The following OXR1 variants were observed in gnomAD, a reference collection of about 807,000 sequenced individuals.
The protein encoded by OXR1 is oxidation resistance protein 1.
Under a neutral mutation model 104.6 loss-of-function variants are expected in OXR1, and 41 were observed. The ratio of observed to expected loss-of-function variants is 0.39; its 90% confidence interval spans 0.31 to 0.51. OXR1 has a LOEUF of 0.51. Ranked by LOEUF, OXR1 falls within the 20% of genes least tolerant of loss-of-function variation. The pLI, the probability that OXR1 is intolerant of heterozygous loss-of-function variation, is 0.77. For missense variants in OXR1, 955 were observed against 1,031.9 expected, an observed-to-expected ratio of 0.93 and a Z score of 1.02; for synonymous variants, 348 against 348.4, an observed-to-expected ratio of 1.00 and a Z score of 0.01.
At chr8:106,422,555 A>G (rs1381453060) in intron 2 of OXR1, among the ~76,000 whole-genome samples, 1 of 152,156 alleles carries the variant, frequency 6.6e-6, no homozygotes, top group African/African-American at 2.4e-5. Context: ...TAGTAATAAT[A>G]TCTTCACTTT....
intron 3 of OXR1, among the ~76,000 whole-genome samples, chr8:106,615,015 T>C (rs754493333): frequency 2.6e-5 from 4 of 152,202 alleles, no homozygotes; most frequent in Non-Finnish European, 4.4e-5. Flanking sequence ...TATTGTTACA[T>C]GAAGTCTTGC....
intron 7 of OXR1, chr8:106,697,525 G>T (rs1390292710): frequency 3.0e-5 from 48 of 1,610,784 alleles, no homozygotes; most frequent in Non-Finnish European, 4.0e-5. Flanking sequence ...CTGGTTATCC[G>T]AGAAGTTCCG....
chr8:106,631,102 G>GCAGAAAAGGGAAC (rs1822646792), intron 3 of OXR1, among the ~76,000 whole-genome samples: 1 of 152,180 alleles, frequency 6.6e-6, no homozygotes, highest in Non-Finnish European at 1.5e-5. Flanking sequence ...GAGAGGAGAG[G>GCAGAAAAGGGAAC]CAGAAAAGGG....
At chr8:106,733,998 T>TA (rs1230127889) in intron 11 of OXR1, among the ~76,000 whole-genome samples, 9 of 79,410 alleles carry the variant, frequency 1.1e-4, no homozygotes, top group Non-Finnish European at 1.4e-4. Flanking sequence ...GATTTTTTTT[T>TA]TTTTTTTTTT....
intron 8 of OXR1, among the ~76,000 whole-genome samples, 170 bp downstream of exon 8, chr8:106,703,260 G>T (rs532925014): frequency 7.9e-5 from 12 of 152,140 alleles, no homozygotes; most frequent in Admixed American, 2.6e-4. Flanking sequence ...TTGCACCTGG[G>T]ATAGTTATGA....
At chr8:106,446,345 T>C (rs1187907755) in intron 2 of OXR1, among the ~76,000 whole-genome samples, 1 of 152,132 alleles carries the variant, frequency 6.6e-6, no homozygotes, top group East Asian at 1.9e-4. Flanking sequence ...TGAGGCCGGG[T>C]GCCGTGGCTC....
chr8:106,293,072 G>A (rs530139521), intron 1 of OXR1, among the ~76,000 whole-genome samples: 9 of 152,214 alleles, frequency 5.9e-5, no homozygotes, highest in East Asian at 1.9e-4. Context: ...CAAAGGTAAT[G>A]TGCAAAAAAT....
intron 3 of OXR1, among the ~76,000 whole-genome samples, chr8:106,580,391 G>C (rs1489846959): frequency 6.6e-6 from 1 of 152,152 alleles, no homozygotes; most frequent in Non-Finnish European, 1.5e-5. Context: ...CCATGTTGTA[G>C]TACATGACAG....
chr8:106,452,076 T>C (rs1165959751), intron 2 of OXR1, among the ~76,000 whole-genome samples: 6 of 152,188 alleles, frequency 3.9e-5, no homozygotes, highest in Non-Finnish European at 7.3e-5. Context: ...ACATGGAACA[T>C]AGTCTAGCTC....
intron 2 of OXR1, among the ~76,000 whole-genome samples, chr8:106,507,885 A>G (rs943444218): frequency 1.3e-5 from 2 of 152,158 alleles, no homozygotes; most frequent in African/African-American, 4.8e-5. Flanking sequence ...CTTTTCTTTC[A>G]TTCTCCCTGA....
intron 1 of OXR1, among the ~76,000 whole-genome samples, chr8:106,334,233 GT>G (rs1386712595): frequency 1.3e-5 from 2 of 151,868 alleles, no homozygotes; most frequent in South Asian, 2.1e-4. Flanking sequence ...TTTAAATGAA[GT>G]TTTTTTTAAA....
chr8:106,519,715 C>T (rs1484995817), intron 3 of OXR1, among the ~76,000 whole-genome samples: 1 of 152,170 alleles, frequency 6.6e-6, no homozygotes, highest in African/African-American at 2.4e-5. Flanking sequence ...CATCCAGGCC[C>T]TTCATAGGGA....
chr8:106,288,246 GA>G (rs1348369206), intron 1 of OXR1, among the ~76,000 whole-genome samples: 2 of 152,144 alleles, frequency 1.3e-5, no homozygotes, highest in African/African-American at 4.8e-5. Flanking sequence ...TGGGTTTGCA[GA>G]AGTCCAAGTG....
intron 3 of OXR1, among the ~76,000 whole-genome samples, chr8:106,599,011 T>A (rs1306633230): frequency 6.6e-6 from 1 of 152,220 alleles, no homozygotes; most frequent in Admixed American, 6.5e-5. Context: ...ATTTTAAAAA[T>A]TAGCTTTTAT....
chr8:106,284,675 G>A (rs1407117043), intron 1 of OXR1, among the ~76,000 whole-genome samples: 1 of 152,084 alleles, frequency 6.6e-6, no homozygotes. Context: ...TTCAGTGCTA[G>A]GATTAGATTA....
In OXR1 at chr8:106,542,596, G is replaced by A. The variant is rs138243615; in HGVS notation, c.220+23457G>A. On this transcript the variant is annotated intron_variant, in intron 3 of 16. Transcript: ENST00000517566. ...TTCTGTCTTAGTAAATTTCCAGTAC[G>A]GGTTAGGCACCTATTTTTTTTTCTT... Among the ~76,000 whole-genome samples, 56 of 152,000 alleles carry A rather than the reference G, an allele frequency of 3.7e-4. No individual in the cohort carries two copies. The East Asian group carries it at 9.3e-3, about 25-fold the overall frequency.
chr8:106,518,020 G>A (rs575425572), intron 2 of OXR1, among the ~76,000 whole-genome samples: 5 of 152,238 alleles, frequency 3.3e-5, no homozygotes, highest in African/African-American at 9.6e-5. Flanking sequence ...CAGATGTCAC[G>A]TTGAAGCTAT....
chr8:106,286,475 A>G (rs952424027), intron 1 of OXR1, among the ~76,000 whole-genome samples: 11 of 151,752 alleles, frequency 7.2e-5, no homozygotes, highest in Admixed American at 6.6e-5. Context: ...TGAAGATATC[A>G]TCTGGTATAG....
chr8:106,665,665 G>A (rs941973583), intron 3 of OXR1, among the ~76,000 whole-genome samples: 22 of 152,266 alleles, frequency 1.4e-4, no homozygotes, highest in African/African-American at 5.3e-4. Flanking sequence ...AGTGACTGCA[G>A]ATAGTGTTTT....
Sources: gnomAD v4.1 joint callset for allele counts (sites outside exome capture counted in the v4.1 genomes callset) on GRCh38, gnomAD v4.1.1 for gene constraint, MANE v1.5 for transcripts, NCBI Gene and HGNC (gene_info 2026-07-23, HGNC 2026-07-21) for gene names.